The following ALOX5AP variants were observed in gnomAD, a reference collection of about 807,000 sequenced individuals.
ALOX5AP encodes arachidonate 5-lipoxygenase-activating protein.
Under a neutral mutation model 18.5 loss-of-function variants are expected in ALOX5AP, and 9 were observed. The ratio of observed to expected loss-of-function variants is 0.49; its 90% CI spans 0.29 to 0.85. The LOEUF is 0.85. Ranked by LOEUF, ALOX5AP falls within the 40% of genes least tolerant of loss-of-function variation. ALOX5AP has a pLI of 0.08. For synonymous variants in ALOX5AP, 81 were observed against 78.6 expected (o/e 1.03, Z -0.16); for missense variants, 172 against 202.5 (o/e 0.85, Z 0.91).
At chr13:30,754,037 C>T (rs985031517) in intron 3 of ALOX5AP, among the ~76,000 whole-genome samples, 1 of 152,048 alleles carries the variant, frequency 6.6e-6, no homozygotes, top group Non-Finnish European at 1.5e-5. Flanking sequence ...GTTGGGAGTT[C>T]GACAACAGCC....
chr13:30,718,331 C>A (rs1951565728), intron 1 of ALOX5AP, among the ~76,000 whole-genome samples: 1 of 149,886 alleles, frequency 6.7e-6, no homozygotes, highest in Non-Finnish European at 1.5e-5. Flanking sequence ...GTAGTAAGGG[C>A]TATGGGAGTT....
intron 1 of ALOX5AP, 46 bp from the exon 2 acceptor site, chr13:30,744,014 T>C: frequency 1.9e-6 from 3 of 1,540,052 alleles, no homozygotes; most frequent in Non-Finnish European, 2.7e-6. Flanking sequence ...AACAGGCTCC[T>C]GAACATGCCC....
Position 30,756,041 on chromosome 13 carries a change from T to C in ALOX5AP, c.323+16T>C, listed in dbSNP as rs1486162827. On this transcript the variant is annotated intron_variant, in intron 4 of 4. Transcript: ENST00000380490. ...GAACGCAGAGGTAGGTAACTGGGAC[T>C]ACTAAAGAACTGTGGAGCGATTCCT... is the stretch of plus-strand genomic sequence containing the variant. The C allele has an allele frequency of 1.2e-6, 2 of 1,611,528 alleles. No individual in the cohort carries two copies. Among genetic ancestry groups the C allele is most frequent in the South Asian group, 2.2e-5 (2 of 91,052 alleles).
intron 3 of ALOX5AP, among the ~76,000 whole-genome samples, chr13:30,753,056 A>G (rs17245554): frequency 0.013 from 1,929 of 152,348 alleles, 44 homozygotes; most frequent in African/African-American, 0.044. Context: ...CTAGATATAC[A>G]GTGATAAATA....
upstream of ALOX5AP, among the ~76,000 whole-genome samples, chr13:30,732,737 T>C (rs1465265385): frequency 6.6e-6 from 1 of 151,848 alleles, no homozygotes; most frequent in Non-Finnish European, 1.5e-5. Flanking sequence ...AGGAAACAGG[T>C]CTGCAGAGAG....
chr13:30,763,459 G>A (rs935319411), intron 4 of ALOX5AP, among the ~76,000 whole-genome samples: 3 of 152,216 alleles, frequency 2.0e-5, no homozygotes, highest in Admixed American at 6.5e-5. Flanking sequence ...AATAGAATGA[G>A]CCCTCAGATG....
chr13:30,722,091 C>T lies in ALOX5AP; in HGVS notation c.116+8250C>T, dbSNP rs141793986. ...TCTGAAGCTAGCAATGGCCATGCAA[C>T]AGCATTCTGGCCAATAAGATAGAAG... On this transcript the variant is annotated intron_variant, in intron 1 of 5. Transcript: ENST00000617770. Among the ~76,000 whole-genome samples the T allele has an allele frequency of 2.2e-3, 328 of 152,318 alleles. 3 individuals are homozygous for T. The highest frequency in any genetic ancestry group is 3.3e-3 in the Non-Finnish European group (227 of 68,024).
chr13:30,727,348 C>T (rs770074997), intron 1 of ALOX5AP, among the ~76,000 whole-genome samples: 10 of 151,714 alleles, frequency 6.6e-5, no homozygotes, highest in Admixed American at 1.3e-4. Flanking sequence ...ACAGTCACCA[C>T]GGTCTTTTTG....
upstream of ALOX5AP, chr13:30,735,513 T>G (rs1951713320): frequency 3.2e-6 from 5 of 1,576,438 alleles, no homozygotes; most frequent in East Asian, 9.1e-5. Flanking sequence ...ATTGTAATGA[T>G]GAAAGAGTGC....
chr13:30,725,334 C>G (rs1028406539), intron 1 of ALOX5AP, among the ~76,000 whole-genome samples: 1 of 152,246 alleles, frequency 6.6e-6, no homozygotes, highest in Non-Finnish European at 1.5e-5. Context: ...AGAGCAGCCA[C>G]AACAGAAGAG....
At chr13:30,729,603 G>A (rs1266481515) in intron 1 of ALOX5AP, among the ~76,000 whole-genome samples, 1 of 149,076 alleles carries the variant, frequency 6.7e-6, no homozygotes, top group South Asian at 2.1e-4. Flanking sequence ...TTTAGATGGG[G>A]TCTCGCTCTG....
At chr13:30,736,757 G>T (rs556362035) in intron 1 of ALOX5AP, among the ~76,000 whole-genome samples, 1 of 152,316 alleles carries the variant, frequency 6.6e-6, no homozygotes, top group African/African-American at 2.4e-5. Context: ...ACTACACTTT[G>T]TGGCTTTCTG....
At chr13:30,729,606 T>A (rs1951665782) in intron 1 of ALOX5AP, among the ~76,000 whole-genome samples, 1 of 149,966 alleles carries the variant, frequency 6.7e-6, no homozygotes, top group African/African-American at 2.5e-5. Flanking sequence ...AGATGGGGTC[T>A]CGCTCTGTCA....
At chr13:30,750,841 CAG>C in intron 2 of ALOX5AP, among the ~76,000 whole-genome samples, 1 of 152,276 alleles carries the variant, frequency 6.6e-6, no homozygotes, top group East Asian at 1.9e-4. Context: ...GAGTAGATGT[CAG>C]AGTCATTCAA....
chr13:30,752,108 T>C lies in ALOX5AP; in HGVS notation c.227T>C (p.Leu76Pro), dbSNP rs1951856934. 3.1e-6 allele frequency: 5 copies of C among 1,614,156 alleles called. No homozygotes were observed. Among genetic ancestry groups the C allele is most frequent in the Non-Finnish European group, 4.2e-6 (5 of 1,179,984 alleles). The stretch of plus-strand genomic sequence containing the variant: ...CTCGCTGTGCTCTGGTCTGCGGGGC[T>C]ACTTTGCAGCCAAGGTAACTCAGAC... ...TFLAVLWSAG[L>P]LCSQVPAAFA... Residue 76 changes from leucine (L) to proline (P), a missense_variant, in exon 3 of 5, where the codon CTA becomes CCA. Physicochemically the swap from Leu to Pro is moderately conservative, Grantham distance 98. Coordinates refer to ENST00000380490, the MANE Select transcript of ALOX5AP (RefSeq NM_001629.4).
chr13:30,714,382 G>A (rs966124680), intron 1 of ALOX5AP, among the ~76,000 whole-genome samples: 3 of 152,034 alleles, frequency 2.0e-5, no homozygotes, highest in Non-Finnish European at 2.9e-5. Flanking sequence ...CAGTCTGAGG[G>A]TGAAGGATCA....
At chr13:30,739,195 G>A (rs745544007) in intron 1 of ALOX5AP, among the ~76,000 whole-genome samples, 9 of 152,088 alleles carry the variant, frequency 5.9e-5, no homozygotes, top group East Asian at 1.9e-4. Flanking sequence ...GAAAGCTTGC[G>A]TTGTGTGAAG....
intron 2 of ALOX5AP, 104 bp downstream of exon 2, chr13:30,744,263 G>C: frequency 1.9e-6 from 2 of 1,033,424 alleles, no homozygotes; most frequent in East Asian, 2.6e-5. Context: ...TCTGAGCCAA[G>C]TTTCTGAGCG....
chr13:30,752,053 C>G lies in ALOX5AP; in HGVS notation c.172C>G (p.Gln58Glu). ...TCTCCTTGTTTGTTTATTCTGCAGC[C>G]AGAACTGTGTAGATGCGTACCCCAC... ...LAFERVYTAN[Q>E]NCVDAYPTFL... The change falls in exon 3 of 5, where the codon CAG (glutamine) becomes GAG (glutamate). Residue 58 changes from glutamine to glutamate, a missense_variant and splice_region_variant. Gln to Glu is a conservative substitution (Grantham distance 29). Coordinates refer to ENST00000380490, the MANE Select transcript of ALOX5AP (RefSeq NM_001629.4). 1 of 1,614,078 alleles carries G rather than the reference C, an allele frequency of 6.2e-7. No individual in the cohort carries two copies. Among genetic ancestry groups the G allele is most frequent in the East Asian group, 2.2e-5 (1 of 44,870 alleles).
Sources: gnomAD v4.1 joint callset for allele counts (sites outside exome capture counted in the v4.1 genomes callset) on GRCh38, gnomAD v4.1.1 for gene constraint, MANE v1.5 for transcripts, NCBI Gene and HGNC (gene_info 2026-07-23, HGNC 2026-07-21) for gene names.